PCDHB10: variants seen among roughly 807,000 people sequenced by gnomAD.
The protein encoded by PCDHB10 is protocadherin beta 10.
For missense variants in PCDHB10, 1,046 were observed against 1,004.7 expected, an observed-to-expected ratio of 1.04 and a Z score of -0.56; for synonymous variants, 448 against 449.2, an observed-to-expected ratio of 1.00 and a Z score of 0.04.
At position 141,192,556 on chromosome 5, in the gene PCDHB10, G is replaced by A. The variant is rs1753926148; in HGVS notation, c.4G>A (p.Ala2Thr). The A allele has an allele frequency of 1.2e-6, 2 of 1,613,210 alleles. No individual in the cohort carries two copies. Among genetic ancestry groups the A allele is most frequent in the South Asian group, 1.1e-5 (1 of 90,974 alleles). The part of the protein sequence containing the change: M[A>T]VRELCFPRQR... ...GGAAATAACGTATGCAGCAGCTATG[G>A]CTGTCAGAGAGTTGTGCTTCCCAAG... is the stretch of plus-strand genomic sequence containing the variant. Residue 2 changes from alanine (A) to threonine (T), a missense_variant, in exon 1 of 1, where the codon GCT becomes ACT. Transcript: ENST00000239446.
chr5:141,192,758 A>G lies in PCDHB10; in HGVS notation c.206A>G (p.Asp69Gly). Residue 69 changes from aspartate to glycine, a missense_variant, in exon 1 of 1, where the codon GAT (aspartate) becomes GGT (glycine). Transcript: ENST00000239446. Reference protein sequence around the residue: ...LAARGTRVVSDDNKQYLLLDS... With the variant: ...LAARGTRVVSGDNKQYLLLDS... ...GCAAGGGGAACCAGGGTGGTTTCCG[A>G]TGATAACAAACAATACCTGCTCCTG... 1 of 1,608,472 alleles carries G rather than the reference A, an allele frequency of 6.2e-7. No homozygotes were observed. The highest frequency in any genetic ancestry group is 8.5e-7 in the Non-Finnish European group (1 of 1,176,316).
chr5:141,194,400 T>C lies in PCDHB10; in HGVS notation c.1848T>C (p.Gly616=), dbSNP rs782586188. The stretch of plus-strand genomic sequence containing the variant: ...AGGCCACGGAGCCCGGGCTGTTCGG[T>C]GTGTGGGCGCACAATGGGGAGGTGC... ...LLKATEPGLF[G]VWAHNGEVRT... Residue 616 remains glycine, a synonymous_variant, in exon 1 of 1, where the codon GGT becomes GGC. Coordinates refer to ENST00000239446, the MANE Select transcript of PCDHB10 (RefSeq NM_018930.4). 293 of 1,602,686 alleles carry C rather than the reference T, an allele frequency of 1.8e-4. No individual in the cohort carries two copies. Among genetic ancestry groups the C allele is most frequent in the African/African-American group, 2.1e-4 (16 of 74,906 alleles).
At position 141,195,040 on chromosome 5, in the gene PCDHB10, T is replaced by G; in HGVS notation, c.*85T>G. 7.2e-7 allele frequency: 1 copy of G among 1,387,332 alleles called. No individual in the cohort carries two copies. The allele number at this position is 1,387,332 out of a possible 1,614,324, so 85.9% of individuals were successfully genotyped here. A position where few individuals can be genotyped will look rare whatever the true frequency, so the allele number is the denominator to read the frequency against. On this transcript the variant is annotated 3_prime_UTR_variant, in exon 1 of 1. Coordinates refer to ENST00000239446, the MANE Select transcript of PCDHB10 (RefSeq NM_018930.4). ...ACTTTTAAATCTCAAATTTAAGTTA[T>G]TATGCAACTTCAAGCATTATTTTCA... is the stretch of plus-strand genomic sequence containing the variant.
In PCDHB10 at chr5:141,192,900, T is replaced by C; in HGVS notation, c.348T>C (p.Ile116=). Residue 116 remains isoleucine, a synonymous_variant, in exon 1 of 1, where the codon ATT becomes ATC. Transcript: ENST00000239446. ...FQILMDDPFQ[I]YRAELRVRDI... Reference sequence around the variant, plus strand: ...TTTTAATGGATGATCCCTTTCAGATTTACCGGGCTGAGCTGAGAGTCAGGG... The same window carrying C: ...TTTTAATGGATGATCCCTTTCAGATCTACCGGGCTGAGCTGAGAGTCAGGG... 4 of 1,613,956 alleles carry C rather than the reference T, an allele frequency of 2.5e-6. No homozygotes were observed. Among genetic ancestry groups the C allele is most frequent in the Non-Finnish European group, 3.4e-6 (4 of 1,179,994 alleles).
At position 141,194,806 on chromosome 5, in the gene PCDHB10, C is replaced by T. The variant is rs1554284517; in HGVS notation, c.2254C>T (p.Gln752Ter). Residue 752 changes from glutamine to a stop codon, truncating the protein, a stop_gained, in exon 1 of 1, where the codon CAG (glutamine) becomes TAG (stop). Coordinates refer to ENST00000239446, the MANE Select transcript of PCDHB10 (RefSeq NM_018930.4). LOFTEE classifies it low-confidence loss of function (END_TRUNC). ...CGCTGAGACCCTGTCCCAGAGCTAC[C>T]AGTATGAGGTGTGTCTGACGGGAGG... ...RGAETLSQSYQYEVCLTGGPG... is the reference protein window; with the variant it reads ...RGAETLSQSY 1.9e-6 allele frequency: 3 copies of T among 1,614,140 alleles called. No individual in the cohort carries two copies. The highest frequency in any genetic ancestry group is 2.5e-6 in the Non-Finnish European group (3 of 1,180,016).
In PCDHB10 at chr5:141,193,720, C is replaced by T. The variant is rs782493311; in HGVS notation, c.1168C>T (p.Pro390Ser). ...KMVCYIQENL[P>S]FLLKPSVENF... Reference sequence around the variant, plus strand: ...GGTTTGCTACATTCAAGAGAATCTGCCATTCCTACTAAAACCTTCTGTGGA... The same window carrying T: ...GGTTTGCTACATTCAAGAGAATCTGTCATTCCTACTAAAACCTTCTGTGGA... Residue 390 changes from proline (P) to serine (S), a missense_variant, in exon 1 of 1, where the codon CCA becomes TCA. Physicochemically the swap from Pro to Ser is moderately conservative, Grantham distance 74. Transcript: ENST00000239446. The T allele has an allele frequency of 1.4e-5, 22 of 1,614,030 alleles. No homozygotes were observed. In the East Asian group the frequency reaches 4.5e-4, roughly 33 times the overall value.
Position 141,194,119 on chromosome 5 carries a change from G to A in PCDHB10, c.1567G>A (p.Ala523Thr), listed in dbSNP as rs782221821. The change falls in exon 1 of 1, where the codon GCC becomes ACC. Residue 523 changes from alanine (A) to threonine (T), a missense_variant. Transcript: ENST00000239446. ...LFALRSLDYE[A>T]LQAFEFRVGA... ...CGCCCTCAGGTCGCTGGACTACGAG[G>A]CCCTGCAGGCTTTCGAGTTCCGCGT... 6.9e-6 allele frequency: 11 copies of A among 1,605,806 alleles called. No homozygotes were observed. Among genetic ancestry groups the A allele is most frequent in the Non-Finnish European group, 9.3e-6 (11 of 1,176,896 alleles).
Position 141,193,710 on chromosome 5 carries a change from A to G in PCDHB10, c.1158A>G (p.Gln386=). 3 of 1,614,180 alleles carry G rather than the reference A, an allele frequency of 1.9e-6. No homozygotes were observed. The highest frequency in any genetic ancestry group is 1.7e-6 in the Non-Finnish European group (2 of 1,180,040). ...ATGGAAAGATGGTTTGCTACATTCA[A>G]GAGAATCTGCCATTCCTACTAAAAC... The part of the protein sequence containing the change: ...GENGKMVCYI[Q]ENLPFLLKPS... The change falls in exon 1 of 1, where the codon CAA becomes CAG. Residue 386 remains glutamine (Q), a synonymous_variant. Coordinates refer to ENST00000239446, the MANE Select transcript of PCDHB10 (RefSeq NM_018930.4).
chr5:141,194,166 C>A lies in PCDHB10; in HGVS notation c.1614C>A (p.Ser538=), dbSNP rs781810290. ...GCGTGGGCGCCACAGACCGCGGCTCCCCCGCGCTGAGCAGAGAGGCGCTGG... is the reference window on the plus strand; with the variant it reads ...GCGTGGGCGCCACAGACCGCGGCTCACCCGCGCTGAGCAGAGAGGCGCTGG... ...EFRVGATDRG[S]PALSREALVR... is the part of the protein sequence containing the mutation. The change falls in exon 1 of 1, where the codon TCC becomes TCA. Residue 538 remains serine (S), a synonymous_variant. Coordinates refer to ENST00000239446, the MANE Select transcript of PCDHB10 (RefSeq NM_018930.4). The A allele has an allele frequency of 6.2e-7, 1 of 1,604,620 alleles. No individual in the cohort carries two copies. The highest frequency in any genetic ancestry group is 8.5e-7 in the Non-Finnish European group (1 of 1,177,802).
At position 141,194,445 on chromosome 5, in the gene PCDHB10, C is replaced by G. The variant is rs782117037; in HGVS notation, c.1893C>G (p.Ser631Arg). ...NGEVRTARLL[S>R]ERDAAKHRLV... ...AGGTGCGCACCGCCAGGCTGCTGAG[C>G]GAGCGCGACGCAGCCAAGCACAGGC... is the stretch of plus-strand genomic sequence containing the variant. Residue 631 changes from serine (S) to arginine (R), a missense_variant, in exon 1 of 1, where the codon AGC becomes AGG. Ser to Arg is a moderately radical substitution (Grantham distance 110). Transcript: ENST00000239446. 8.7e-6 allele frequency: 14 copies of G among 1,603,826 alleles called. No individual in the cohort carries two copies. Among genetic ancestry groups the G allele is most frequent in the South Asian group, 1.1e-5 (1 of 90,886 alleles).
Position 141,193,417 on chromosome 5 carries a change from C to T in PCDHB10, c.865C>T (p.Arg289Ter), listed in dbSNP as rs782513627. 17 of 1,614,006 alleles carry T rather than the reference C, an allele frequency of 1.1e-5. No homozygotes were observed. In the East Asian group the frequency reaches 1.1e-4, roughly 11 times the overall value. Residue 289 changes from arginine (R) to a stop codon, truncating the protein, a stop_gained, in exon 1 of 1, where the codon CGA becomes TGA. Transcript: ENST00000239446. LOFTEE classifies it low-confidence loss of function (END_TRUNC). ...ATTTTTTGATGCCTCAGAAAATATT[C>T]GAACAACCTTTCAAATCAATCCTTT... ...YSFFDASENI[R>*]TTFQINPFSG...
rs1554284438 is a variant in PCDHB10 at position 141,194,573 on chromosome 5, C to G, written c.2021C>G (p.Pro674Arg). 3.2e-6 allele frequency: 5 copies of G among 1,565,320 alleles called. No individual in the cohort carries two copies. Among genetic ancestry groups the G allele is most frequent in the South Asian group, 2.3e-5 (2 of 88,462 alleles). ...DGFSQPYLPL[P>R]EAAPAQAQAE... is the part of the protein sequence containing the mutation. The stretch of plus-strand genomic sequence containing the variant: ...TTCTCCCAGCCCTACCTGCCTCTCC[C>G]GGAGGCGGCCCCGGCCCAGGCCCAG... The change falls in exon 1 of 1, where the codon CCG becomes CGG. Residue 674 changes from proline to arginine, a missense_variant. Coordinates refer to ENST00000239446, the MANE Select transcript of PCDHB10 (RefSeq NM_018930.4).
chr5:141,194,532 G>C lies in PCDHB10; in HGVS notation c.1980G>C (p.Leu660Phe). 1 of 1,577,880 alleles carries C rather than the reference G, an allele frequency of 6.3e-7. No individual in the cohort carries two copies. The highest frequency in any genetic ancestry group is 2.3e-5 in the East Asian group (1 of 42,958). The change falls in exon 1 of 1, where the codon TTG (leucine) becomes TTC (phenylalanine). Residue 660 changes from leucine (L) to phenylalanine (F), a missense_variant. Leu to Phe is a conservative substitution (Grantham distance 22). Transcript: ENST00000239446. ...GCTCGGCCACCGCCACGCTGCACTT[G>C]CTCCTGGTGGACGGCTTCTCCCAGC... ...PPRSATATLH[L>F]LLVDGFSQPY... is the part of the protein sequence containing the mutation.
rs1245932653 is a variant in PCDHB10 at position 141,195,629 on chromosome 5, T to C, written c.*674T>C. The stretch of plus-strand genomic sequence containing the variant: ...CCTGAAAATGAATAAAAATAAAACA[T>C]TTTGAAATGTGTGGTTGAGATTGCT... On this transcript the variant is annotated 3_prime_UTR_variant, in exon 1 of 1. Transcript: ENST00000239446. The C allele has an allele frequency of 1.2e-5, 2 of 164,942 alleles. No homozygotes were observed. Among genetic ancestry groups the C allele is most frequent in the Admixed American group, 1.3e-4 (2 of 15,230 alleles). 10.2% of individuals were successfully genotyped at this position (164,942 alleles called of 1,614,324 possible).
Position 141,193,873 on chromosome 5 carries a change from G to T in PCDHB10, c.1321G>T (p.Val441Phe). ...AACCGAGCACAACATAACGGTCCTG[G>T]TCTCCGACGTCAATGACAACGCCCC... ...LKTEHNITVL[V>F]SDVNDNAPAF... Residue 441 changes from valine (V) to phenylalanine (F), a missense_variant, in exon 1 of 1, where the codon GTC becomes TTC. By Grantham distance (50) the Val-to-Phe change is conservative. Coordinates refer to ENST00000239446, the MANE Select transcript of PCDHB10 (RefSeq NM_018930.4). 6.2e-7 allele frequency: 1 copy of T among 1,613,938 alleles called. No individual in the cohort carries two copies. The highest frequency in any genetic ancestry group is 8.5e-7 in the Non-Finnish European group (1 of 1,180,004).
chr5:141,193,963 G>T lies in PCDHB10; in HGVS notation c.1411G>T (p.Gly471Cys), dbSNP rs201494824. The change falls in exon 1 of 1, where the codon GGC (glycine) becomes TGC (cysteine). Residue 471 changes from glycine to cysteine, a missense_variant. Coordinates refer to ENST00000239446, the MANE Select transcript of PCDHB10 (RefSeq NM_018930.4). Reference protein sequence around the residue: ...RENNSPALHIGSVSATDRDSG... With the variant: ...RENNSPALHICSVSATDRDSG... ...GAACAACAGCCCCGCCCTGCACATCGGCAGCGTCAGCGCCACAGACAGAGA... is the reference window on the plus strand; with the variant it reads ...GAACAACAGCCCCGCCCTGCACATCTGCAGCGTCAGCGCCACAGACAGAGA... 6 of 1,611,150 alleles carry T rather than the reference G, an allele frequency of 3.7e-6. No individual in the cohort carries two copies. The highest frequency in any genetic ancestry group is 5.1e-6 in the Non-Finnish European group (6 of 1,179,462).
Position 141,193,748 on chromosome 5 carries a change from A to T in PCDHB10, c.1196A>T (p.Asn399Ile). ...TTCCTACTAAAACCTTCTGTGGAGA[A>T]TTTTTACATCCTAATTACAGAAGGC... ...LPFLLKPSVE[N>I]FYILITEGAL... Residue 399 changes from asparagine to isoleucine, a missense_variant, in exon 1 of 1, where the codon AAT (asparagine) becomes ATT (isoleucine). By Grantham distance (149) the Asn-to-Ile change is moderately radical. Transcript: ENST00000239446. 20 of 1,614,174 alleles carry T rather than the reference A, an allele frequency of 1.2e-5. No homozygotes were observed. The highest frequency in any genetic ancestry group is 1.7e-5 in the Non-Finnish European group (20 of 1,180,036).
Position 141,193,061 on chromosome 5 carries a change from A to G in PCDHB10, c.509A>G (p.Tyr170Cys). Residue 170 changes from tyrosine (Y) to cysteine (C), a missense_variant, in exon 1 of 1, where the codon TAC (tyrosine) becomes TGC (cysteine). By Grantham distance (194) the Tyr-to-Cys change is radical (BLOSUM62 -2). Coordinates refer to ENST00000239446, the MANE Select transcript of PCDHB10 (RefSeq NM_018930.4). Reference sequence around the variant, plus strand: ...GGAGGACTTAACGGTATCCAAAACTACACGATCAGCCCCAACTCTTTTTTC... The same window carrying G: ...GGAGGACTTAACGGTATCCAAAACTGCACGATCAGCCCCAACTCTTTTTTC... Reference protein sequence around the residue: ...PDGGLNGIQNYTISPNSFFHI... With the variant: ...PDGGLNGIQNCTISPNSFFHI... The G allele has an allele frequency of 2.5e-6, 4 of 1,614,222 alleles. No individual in the cohort carries two copies. Among genetic ancestry groups the G allele is most frequent in the Non-Finnish European group, 3.4e-6 (4 of 1,180,044 alleles).
chr5:141,194,263 C>T lies in PCDHB10; in HGVS notation c.1711C>T (p.Pro571Ser), dbSNP rs782642321. 1.9e-5 allele frequency: 31 copies of T among 1,605,938 alleles called. No individual in the cohort carries two copies. Among genetic ancestry groups the T allele is most frequent in the Non-Finnish European group, 2.6e-5 (31 of 1,178,372 alleles). The change falls in exon 1 of 1, where the codon CCC becomes TCC. Residue 571 changes from proline (P) to serine (S), a missense_variant. Coordinates refer to ENST00000239446, the MANE Select transcript of PCDHB10 (RefSeq NM_018930.4). Reference sequence around the variant, plus strand: ...GTACCCGCTGCAGAACGGCTCCGCGCCCTGCACCGAGCTGGTGCCCCGGGC... The same window carrying T: ...GTACCCGCTGCAGAACGGCTCCGCGTCCTGCACCGAGCTGGTGCCCCGGGC... The part of the protein sequence containing the change: ...VLYPLQNGSA[P>S]CTELVPRAAE...
Sources: allele counts gnomAD v4.1 joint callset, GRCh38; gene constraint gnomAD v4.1.1; transcripts MANE v1.5; gene names NCBI Gene and HGNC (gene_info 2026-07-23, HGNC 2026-07-21).